Variants in ZNF623 observed in about 807,000 individuals in gnomAD.
ZNF623 encodes the protein zinc finger protein 623.
A neutral mutation model predicts 24.0 loss-of-function variants in ZNF623; 16 were observed. That is an observed-to-expected ratio of 0.67 (90% confidence interval 0.45 to 1.01). ZNF623 has a LOEUF of 1.01. Among genes scored for constraint, ZNF623 ranks in the 50% least tolerant of loss-of-function variants. The pLI is 0.00. For synonymous variants in ZNF623, 224 were observed against 219.8 expected (o/e 1.02, Z -0.17); for missense variants, 566 against 606.5 (o/e 0.93, Z 0.70).
chr8:143,653,609 C>T lies in ZNF623; in HGVS notation c.*2126C>T, dbSNP rs2131464684. 6.0e-6 allele frequency: 1 copy of T among 167,198 alleles called. No individual in the cohort carries two copies. The highest frequency in any genetic ancestry group is 1.9e-4 in the East Asian group (1 of 5,194). 10.4% of individuals were successfully genotyped at this position (167,198 alleles called of 1,614,324 possible). On this transcript the variant is annotated 3_prime_UTR_variant, in exon 2 of 2. Coordinates refer to ENST00000526926, the MANE Select transcript of ZNF623 (RefSeq NM_001261843.2). ...TAAGCCCACTCCAGCCCCAGATAAC[C>T]ACTTTCTATCCTCATAGATTAGTGT...
chr8:143,645,277 T>TA (rs1418740358), intron 1 of ZNF623, among the ~76,000 whole-genome samples: 1 of 151,934 alleles, frequency 6.6e-6, no homozygotes, highest in Non-Finnish European at 1.5e-5. Context: ...CCGTCTCTCC[T>TA]AAAAATACAA....
At position 143,650,087 on chromosome 8, in the gene ZNF623, C is replaced by T; in HGVS notation, c.95C>T (p.Pro32Leu). The change falls in exon 2 of 2, where the codon CCC (proline) becomes CTC (leucine). Residue 32 changes from proline (P) to leucine (L), a missense_variant. Transcript: ENST00000526926. The surrounding 1 kb of genome is among the most constrained non-coding windows in gnomAD (Gnocchi z 5.2). ...GAAGGTCAGAGCCTGGGGAGTTCCC[C>T]CTCTCAGGACAGGGGCTGCAAGCAG... is the stretch of plus-strand genomic sequence containing the variant. ...NPEGQSLGSSPSQDRGCKQVT... is the reference protein window; with the variant it reads ...NPEGQSLGSSLSQDRGCKQVT... The T allele has an allele frequency of 1.2e-6, 2 of 1,614,108 alleles. No homozygotes were observed. The highest frequency in any genetic ancestry group is 2.2e-5 in the South Asian group (2 of 91,074).
At chr8:143,648,235 G>C (rs1815215839) in intron 1 of ZNF623, among the ~76,000 whole-genome samples, 1 of 152,192 alleles carries the variant, frequency 6.6e-6, no homozygotes, top group South Asian at 2.1e-4. Context: ...GAGGCGTCAG[G>C]GGACACTGGG....
Position 143,650,645 on chromosome 8 carries a change from C to T in ZNF623, c.653C>T (p.Thr218Met), listed in dbSNP as rs774885956. The change falls in exon 2 of 2, where the codon ACG (threonine) becomes ATG (methionine). Residue 218 changes from threonine (T) to methionine (M), a missense_variant. Transcript: ENST00000526926. The surrounding 1 kb of genome is among the most constrained non-coding windows in gnomAD (Gnocchi z 5.2). ...SLLIRHQRIH[T>M]GERPYECNEC... ...CTTATTCGCCATCAGAGGATTCACACGGGAGAAAGGCCCTATGAGTGCAAT... is the reference window on the plus strand; with the variant it reads ...CTTATTCGCCATCAGAGGATTCACATGGGAGAAAGGCCCTATGAGTGCAAT... The T allele has an allele frequency of 7.9e-5, 127 of 1,613,838 alleles. No individual in the cohort carries two copies. Among genetic ancestry groups the T allele is most frequent in the Non-Finnish European group, 9.1e-5 (107 of 1,180,022 alleles).
Position 143,650,377 on chromosome 8 carries a change from C to T in ZNF623, c.385C>T (p.His129Tyr), listed in dbSNP as rs1374051788. Residue 129 changes from histidine (H) to tyrosine (Y), a missense_variant, in exon 2 of 2, where the codon CAT becomes TAT. This residue lies in a region of ZNF623 where 313 missense variants were observed against 300.4 expected (regional missense o/e 1.04). Coordinates refer to ENST00000526926, the MANE Select transcript of ZNF623 (RefSeq NM_001261843.2). The surrounding 1 kb of genome is among the most constrained non-coding windows in gnomAD (Gnocchi z 5.2). Reference protein sequence around the residue: ...GFGQSSHLMEHQRIHTGERLY... With the variant: ...GFGQSSHLMEYQRIHTGERLY... ...TGGCCAGAGCTCACACCTTATGGAG[C>T]ATCAGAGAATTCACACTGGAGAGAG... is the stretch of plus-strand genomic sequence containing the variant. 1.2e-6 allele frequency: 2 copies of T among 1,614,216 alleles called. No homozygotes were observed. Among genetic ancestry groups the T allele is most frequent in the South Asian group, 2.2e-5 (2 of 91,080 alleles).
At position 143,651,077 on chromosome 8, in the gene ZNF623, T is replaced by A. The variant is rs767747935; in HGVS notation, c.1085T>A (p.Val362Glu). 6.2e-7 allele frequency: 1 copy of A among 1,613,634 alleles called. No homozygotes were observed. The highest frequency in any genetic ancestry group is 8.5e-7 in the Non-Finnish European group (1 of 1,179,938). The change falls in exon 2 of 2, where the codon GTG becomes GAG. Residue 362 changes from valine (V) to glutamate (E), a missense_variant. This residue lies in a region of ZNF623 where 117 missense variants were observed against 174.2 expected (regional missense o/e 0.67). Coordinates refer to ENST00000526926, the MANE Select transcript of ZNF623 (RefSeq NM_001261843.2). Reference sequence around the variant, plus strand: ...CAGAAAATCCACACTGGAGAGAGAGTGTATGAATGTAAGGAATGTGGGAAA... The same window carrying A: ...CAGAAAATCCACACTGGAGAGAGAGAGTATGAATGTAAGGAATGTGGGAAA... ...RHQKIHTGER[V>E]YECKECGKAF...
Position 143,653,458 on chromosome 8 carries a change from A to G in ZNF623, c.*1975A>G, listed in dbSNP as rs1411006094. 4 of 167,094 alleles carry G rather than the reference A, an allele frequency of 2.4e-5. No homozygotes were observed. Among genetic ancestry groups the G allele is most frequent in the Non-Finnish European group, 4.4e-5 (3 of 68,124 alleles). The allele number at this position is 167,094 out of a possible 1,614,324, so 10.4% of individuals were successfully genotyped here. Reference sequence around the variant, plus strand: ...TCAATTTTCATATAGTAAAACGCCTATTTAAGTGTACAAGGTTTTGAAAAA... The same window carrying G: ...TCAATTTTCATATAGTAAAACGCCTGTTTAAGTGTACAAGGTTTTGAAAAA... On this transcript the variant is annotated 3_prime_UTR_variant, in exon 2 of 2. Coordinates refer to ENST00000526926, the MANE Select transcript of ZNF623 (RefSeq NM_001261843.2).
In ZNF623 at chr8:143,651,156, C is replaced by T. The variant is rs376434180; in HGVS notation, c.1164C>T (p.Asp388=). 22 of 1,613,876 alleles carry T rather than the reference C, an allele frequency of 1.4e-5. No homozygotes were observed. Among genetic ancestry groups the T allele is most frequent in the Non-Finnish European group, 1.8e-5 (21 of 1,179,984 alleles). ...LTEHQKIHSG[D]RPFECKDCGK... ...AGCACCAGAAGATCCACTCTGGGGACAGGCCCTTCGAATGTAAAGACTGTG... is the reference window on the plus strand; with the variant it reads ...AGCACCAGAAGATCCACTCTGGGGATAGGCCCTTCGAATGTAAAGACTGTG... The change falls in exon 2 of 2, where the codon GAC becomes GAT. Residue 388 remains aspartate (D), a synonymous_variant. Coordinates refer to ENST00000526926, the MANE Select transcript of ZNF623 (RefSeq NM_001261843.2).
At chr8:143,645,608 A>G (rs1448552973) in intron 1 of ZNF623, among the ~76,000 whole-genome samples, 3 of 152,066 alleles carry the variant, frequency 2.0e-5, no homozygotes, top group Non-Finnish European at 2.9e-5. Context: ...TATAACATCT[A>G]TGAGGGAAAA....
Position 143,650,091 on chromosome 8 carries a change from T to C in ZNF623, c.99T>C (p.Ser33=), listed in dbSNP as rs1371540524. The C allele has an allele frequency of 6.2e-6, 10 of 1,614,062 alleles. No individual in the cohort carries two copies. In the East Asian group the frequency reaches 2.0e-4, roughly 32 times the overall value. ...PEGQSLGSSP[S]QDRGCKQVTV... ...GTCAGAGCCTGGGGAGTTCCCCCTC[T>C]CAGGACAGGGGCTGCAAGCAGGTGA... The change falls in exon 2 of 2, where the codon TCT becomes TCC. Residue 33 remains serine, a synonymous_variant. Coordinates refer to ENST00000526926, the MANE Select transcript of ZNF623 (RefSeq NM_001261843.2). The surrounding 1 kb of genome is among the most constrained non-coding windows in gnomAD (Gnocchi z 5.2).
In ZNF623 at chr8:143,651,314, A is replaced by G. The variant is rs368091213; in HGVS notation, c.1322A>G (p.His441Arg). The change falls in exon 2 of 2, where the codon CAT becomes CGT. Residue 441 changes from histidine to arginine, a missense_variant. His to Arg is a conservative substitution (Grantham distance 29). This residue lies in a region of ZNF623 where 136 missense variants were observed against 131.9 expected (regional missense o/e 1.03). Transcript: ENST00000526926. ...AACTTCCTTCAACACCAGAAAATTCATACTGAAGAGAAGCTCTATGAATGT... is the reference window on the plus strand; with the variant it reads ...AACTTCCTTCAACACCAGAAAATTCGTACTGAAGAGAAGCTCTATGAATGT... ...RSNFLQHQKI[H>R]TEEKLYECSQ... 83 of 1,614,234 alleles carry G rather than the reference A, an allele frequency of 5.1e-5. No individual in the cohort carries two copies. The highest frequency in any genetic ancestry group is 1.3e-4 in the Admixed American group (8 of 60,020).
chr8:143,641,442 GTTTTT>G lies in ZNF623; in HGVS notation c.-96+5318_-96+5322del, dbSNP rs1156729366. Among the ~76,000 whole-genome samples the G allele has an allele frequency of 1.5e-3, 15 of 10,060 alleles. 2 individuals are homozygous for G. Among genetic ancestry groups the G allele is most frequent in the African/African-American group, 2.5e-3 (15 of 5,942 alleles). 6.6% of individuals were successfully genotyped at this position (10,060 alleles called of 152,430 possible). On this transcript the variant is annotated intron_variant, in intron 1 of 1. Transcript: ENST00000526926. ...ACCAGGAGCATTGTCAGTGAGTAGT[GTTTTT>G]TTTTTTTTTTTTTTTTTTTTCTTTT... is the stretch of plus-strand genomic sequence containing the variant.
rs1331274739 is a variant in ZNF623, at chr8:143,650,615, CCTTA to C, written c.628_631del (p.Leu210PhefsTer23). On this transcript the variant is annotated frameshift_variant, in exon 2 of 2. Transcript: ENST00000526926. LOFTEE classifies it high-confidence loss of function. This position sits in a 1 kb window ranked among gnomAD's most constrained non-coding sequence, Gnocchi z 5.2. ...TGTGGGAAAGGCTTCAGTCAGAGCT[CCTTA>C]CTTATTCGCCATCAGAGGATTCACA... The C allele has an allele frequency of 1.2e-6, 2 of 1,614,088 alleles. No individual in the cohort carries two copies.
intron 1 of ZNF623, among the ~76,000 whole-genome samples, chr8:143,645,668 A>T (rs1166573232): frequency 6.6e-6 from 1 of 152,092 alleles, no homozygotes; most frequent in Non-Finnish European, 1.5e-5. Flanking sequence ...CATTCTCCCC[A>T]CGGCCGCCTG....
At position 143,650,737 on chromosome 8, in the gene ZNF623, A is replaced by G; in HGVS notation, c.745A>G (p.Lys249Glu). ...CCATTATCAGATCCACACAGAAGTG[A>G]AACAGTATGAATGCAAAGAATGTGG... is the stretch of plus-strand genomic sequence containing the variant. Reference protein sequence around the residue: ...IRHYQIHTEVKQYECKECGKA... With the variant: ...IRHYQIHTEVEQYECKECGKA... Residue 249 changes from lysine to glutamate, a missense_variant, in exon 2 of 2, where the codon AAA becomes GAA. Lys to Glu is a moderately conservative substitution (Grantham distance 56). This residue lies in a region of ZNF623 where 117 missense variants were observed against 174.2 expected (regional missense o/e 0.67). Transcript: ENST00000526926. The surrounding 1 kb of genome is among the most constrained non-coding windows in gnomAD (Gnocchi z 5.2). 1 of 1,614,174 alleles carries G rather than the reference A, an allele frequency of 6.2e-7. No individual in the cohort carries two copies. Among genetic ancestry groups the G allele is most frequent in the Non-Finnish European group, 8.5e-7 (1 of 1,180,030 alleles).
At chr8:143,642,964 C>G (rs1320974009) in intron 1 of ZNF623, among the ~76,000 whole-genome samples, 2 of 152,186 alleles carry the variant, frequency 1.3e-5, no homozygotes, top group Admixed American at 1.3e-4. Context: ...AAGAGACTTG[C>G]AGATGTCGGG....
At chr8:143,638,652 C>T (rs897492178) in intron 1 of ZNF623, among the ~76,000 whole-genome samples, 2 of 151,108 alleles carry the variant, frequency 1.3e-5, no homozygotes, top group African/African-American at 4.9e-5. Flanking sequence ...GCAGGAGAAT[C>T]GCTTGAACCC....
At chr8:143,640,382 A>G (rs1815022554) in intron 1 of ZNF623, among the ~76,000 whole-genome samples, 1 of 152,184 alleles carries the variant, frequency 6.6e-6, no homozygotes. Context: ...AGTTTCTTAA[A>G]ATGGGACGAT....
Position 143,651,723 on chromosome 8 carries a change from A to T in ZNF623, c.*240A>T. The T allele has an allele frequency of 2.1e-6, 1 of 478,142 alleles. No individual in the cohort carries two copies. 29.6% of individuals were successfully genotyped at this position (478,142 alleles called of 1,614,324 possible). The stretch of plus-strand genomic sequence containing the variant: ...GACTCTGAGCTGGAACAGTAGGGGC[A>T]GGGAGAAGACAGGTCTCAAGAAAAG... On this transcript the variant is annotated 3_prime_UTR_variant, in exon 2 of 2. Coordinates refer to ENST00000526926, the MANE Select transcript of ZNF623 (RefSeq NM_001261843.2).
Sources: gnomAD v4.1 joint callset for allele counts (sites outside exome capture counted in the v4.1 genomes callset) on GRCh38, gnomAD v4.1.1 for gene constraint, gnomAD v4.1.1 regional missense constraint, Gnocchi (gnomAD v3.1) non-coding constraint, MANE v1.5 for transcripts, NCBI Gene and HGNC (gene_info 2026-07-23, HGNC 2026-07-21) for gene names.